The following GPR158 variants were observed in gnomAD, a reference collection of about 807,000 sequenced individuals.
GPR158 encodes metabotropic glycine receptor.
In GPR158, 30 loss-of-function variants were observed where a neutral mutation model predicts 78.2. The ratio of observed to expected loss-of-function variants is 0.38; its 90% CI spans 0.29 to 0.52. The LOEUF is 0.52. Among genes scored for constraint, GPR158 ranks in the 20% least tolerant of loss-of-function variants. The pLI, the probability that GPR158 is intolerant of heterozygous loss-of-function variation, is 0.83. For synonymous variants in GPR158, 581 were observed against 591.1 expected (o/e 0.98, Z 0.25); for missense variants, 1,463 against 1,523.5 (o/e 0.96, Z 0.66).
At chr10:25,524,765 C>G (rs977988476) in intron 5 of GPR158, among the ~76,000 whole-genome samples, 4 of 152,070 alleles carry the variant, frequency 2.6e-5, no homozygotes, top group African/African-American at 9.7e-5. Context: ...TCACAAGTGA[C>G]AAAAGATGAA....
chr10:25,325,332 A>T (rs1003633532), intron 2 of GPR158, among the ~76,000 whole-genome samples: 1 of 152,218 alleles, frequency 6.6e-6, no homozygotes, highest in East Asian at 1.9e-4. Context: ...TTCACTTAGC[A>T]TAATGTCCTC....
intron 5 of GPR158, among the ~76,000 whole-genome samples, chr10:25,491,438 A>T (rs1835807865): frequency 6.6e-6 from 1 of 152,200 alleles, no homozygotes; most frequent in African/African-American, 2.4e-5. Flanking sequence ...AATGGACTTA[A>T]AAAAGAATGA....
intron 5 of GPR158, among the ~76,000 whole-genome samples, chr10:25,533,888 TTCC>T (rs1386677864): frequency 1.3e-5 from 2 of 152,150 alleles, no homozygotes; most frequent in African/African-American, 4.8e-5. Flanking sequence ...CTGGGGCAAA[TTCC>T]TTAACTTTGC....
intron 1 of GPR158, among the ~76,000 whole-genome samples, chr10:25,211,985 C>T (rs1853137797): frequency 6.6e-6 from 1 of 152,064 alleles, no homozygotes; most frequent in African/African-American, 2.4e-5. Flanking sequence ...TTTTCTTTTT[C>T]ACAACTTTTA....
intron 4 of GPR158, among the ~76,000 whole-genome samples, chr10:25,425,825 A>C (rs368876296): frequency 6.6e-6 from 1 of 152,018 alleles, no homozygotes; most frequent in Non-Finnish European, 1.5e-5. Context: ...TCCTTTTTCT[A>C]TATTTTTATT....
intron 4 of GPR158, among the ~76,000 whole-genome samples, chr10:25,423,200 C>T (rs1323088375): frequency 6.6e-6 from 1 of 151,104 alleles, no homozygotes; most frequent in African/African-American, 2.4e-5. Flanking sequence ...TATATACACA[C>T]ACACACCACA....
Position 25,599,364 on chromosome 10 carries a change from T to G in GPR158, c.*90T>G. On this transcript the variant is annotated 3_prime_UTR_variant, in exon 11 of 11. Coordinates refer to ENST00000376351, the MANE Select transcript of GPR158 (RefSeq NM_020752.3). ...ATCAAATATTCCCAAGGAGGATTTG[T>G]CAATCAAGGAAAACATGACAGATGG... is the stretch of plus-strand genomic sequence containing the variant. The G allele has an allele frequency of 9.7e-7, 1 of 1,032,090 alleles. No individual in the cohort carries two copies. The allele number at this position is 1,032,090 out of a possible 1,614,324, so 63.9% of individuals were successfully genotyped here. A position where few individuals can be genotyped will look rare whatever the true frequency, so the allele number is the denominator to read the frequency against.
At chr10:25,329,068 C>A (rs1054479041) in intron 2 of GPR158, among the ~76,000 whole-genome samples, 1 of 151,632 alleles carries the variant, frequency 6.6e-6, no homozygotes, top group Non-Finnish European at 1.5e-5. Flanking sequence ...CAGTATCATT[C>A]TTCCTGGTAG....
Position 25,599,415 on chromosome 10 carries a change from G to A in GPR158, c.*141G>A, listed in dbSNP as rs1160176720. The A allele has an allele frequency of 1.6e-5, 11 of 669,118 alleles. No individual in the cohort carries two copies. The highest frequency in any genetic ancestry group is 3.6e-4 in the Middle Eastern group (1 of 2,812). 41.4% of individuals were successfully genotyped at this position (669,118 alleles called of 1,614,324 possible). On this transcript the variant is annotated 3_prime_UTR_variant, in exon 11 of 11. Coordinates refer to ENST00000376351, the MANE Select transcript of GPR158 (RefSeq NM_020752.3). Reference sequence around the variant, plus strand: ...TGAGGTAAAGTCAAAGGCATGGGTAGAAGAGGACCAGGGGGGCAAGAGCAA... The same window carrying A: ...TGAGGTAAAGTCAAAGGCATGGGTAAAAGAGGACCAGGGGGGCAAGAGCAA...
intron 2 of GPR158, chr10:25,244,414 A>G (rs1340502369): frequency 6.6e-6 from 1 of 152,180 alleles, no homozygotes; most frequent in Non-Finnish European, 1.5e-5. Flanking sequence ...TAGGAGTATC[A>G]TACTTAATGC....
At chr10:25,314,124 C>T (rs946816563) in intron 2 of GPR158, among the ~76,000 whole-genome samples, 22 of 152,044 alleles carry the variant, frequency 1.4e-4, no homozygotes, top group Middle Eastern at 3.4e-3. Flanking sequence ...TATTTAGAGA[C>T]GGAGTCTCAC....
chr10:25,216,726 G>T, intron 1 of GPR158, among the ~76,000 whole-genome samples: 1 of 152,156 alleles, frequency 6.6e-6, no homozygotes, highest in Non-Finnish European at 1.5e-5. Flanking sequence ...CAGACTTGGA[G>T]TTCATGGGAG....
At chr10:25,506,172 T>A (rs1349753486) in intron 5 of GPR158, among the ~76,000 whole-genome samples, 1 of 152,242 alleles carries the variant, frequency 6.6e-6, no homozygotes, top group African/African-American at 2.4e-5. Context: ...ATCATTTTTG[T>A]TACATGACTT....
intron 2 of GPR158, among the ~76,000 whole-genome samples, chr10:25,291,846 GTTAATA>G (rs145563257): frequency 0.13 from 20,242 of 151,878 alleles, 1,530 homozygotes; most frequent in South Asian, 0.24. Flanking sequence ...AGATGATATA[GTTAATA>G]TTAATAGCTG....
At chr10:25,488,155 G>A (rs1399846780) in intron 5 of GPR158, among the ~76,000 whole-genome samples, 2 of 152,086 alleles carry the variant, frequency 1.3e-5, no homozygotes, top group Non-Finnish European at 2.9e-5. Flanking sequence ...GGGATCCTGG[G>A]TGACTACCAT....
At chr10:25,219,427 A>G (rs1384936004) in intron 1 of GPR158, among the ~76,000 whole-genome samples, 1 of 152,156 alleles carries the variant, frequency 6.6e-6, no homozygotes, top group East Asian at 1.9e-4. Flanking sequence ...TCACATAAAC[A>G]TTTGTTTTAT....
intron 2 of GPR158, among the ~76,000 whole-genome samples, chr10:25,381,513 C>G (rs1250579051): frequency 6.6e-6 from 1 of 152,040 alleles, no homozygotes; most frequent in Admixed American, 6.5e-5. Flanking sequence ...AAAGGTTGAA[C>G]AAGAAAGGGA....
At chr10:25,357,782 A>G (rs1855573725) in intron 2 of GPR158, among the ~76,000 whole-genome samples, 1 of 147,666 alleles carries the variant, frequency 6.8e-6, no homozygotes, top group Admixed American at 6.6e-5. Flanking sequence ...GTGGGGTCAG[A>G]GCTCCCACAG....
intron 4 of GPR158, among the ~76,000 whole-genome samples, chr10:25,452,913 C>CA (rs1360355091): frequency 2.0e-5 from 3 of 152,166 alleles, no homozygotes; most frequent in Admixed American, 2.0e-4. Context: ...CTGCAGCCAC[C>CA]ATTCTACTCT....
Sources: allele counts gnomAD v4.1 joint callset (sites outside exome capture counted in the v4.1 genomes callset), GRCh38; gene constraint gnomAD v4.1.1; transcripts MANE v1.5; gene names NCBI Gene and HGNC (gene_info 2026-07-23, HGNC 2026-07-21).